The following PRDM1 variants were observed in gnomAD, a reference collection of about 807,000 sequenced individuals.
The protein encoded by PRDM1 is PR/SET domain 1.
PRDM1 carries 13 observed loss-of-function variants against 62.8 expected under a neutral mutation model. The ratio of observed to expected loss-of-function variants is 0.21; its 90% CI spans 0.13 to 0.33. PRDM1 has a LOEUF of 0.33. Ranked by LOEUF, PRDM1 falls within the 10% of genes least tolerant of loss-of-function variation. The pLI, the probability that PRDM1 is intolerant of heterozygous loss-of-function variation, is 1.00. For synonymous variants in PRDM1, 396 were observed against 417.6 expected, an observed-to-expected ratio of 0.95 and a Z score of 0.63; for missense variants, 895 against 1,058.8, an observed-to-expected ratio of 0.85 and a Z score of 2.15.
intron 1 of PRDM1, among the ~76,000 whole-genome samples, chr6:106,006,154 G>A (rs562952007): frequency 6.6e-6 from 1 of 152,292 alleles, no homozygotes; most frequent in South Asian, 2.1e-4. Context: ...GCAGGAACTT[G>A]TTTAGATTGA....
upstream of PRDM1, chr6:106,045,282 G>A (rs973707270): frequency 2.0e-5 from 3 of 151,966 alleles, no homozygotes; most frequent in East Asian, 3.9e-4. Context: ...TTGGGTGTCT[G>A]TAGAATGCAA....
chr6:106,050,357 G>A (rs1419195840), intron 1 of PRDM1, among the ~76,000 whole-genome samples: 16 of 152,138 alleles, frequency 1.1e-4, no homozygotes, highest in Admixed American at 1.0e-3. Flanking sequence ...GGTTCTTCAT[G>A]GAATTCTAAA....
upstream of PRDM1, among the ~76,000 whole-genome samples, chr6:106,086,025 A>C (rs1019971451): frequency 5.9e-5 from 9 of 152,062 alleles, no homozygotes; most frequent in Admixed American, 5.9e-4. Flanking sequence ...GGTAAATTTT[A>C]AGTTTCCTTA....
chr6:106,042,901 A>G (rs1380501972), intron 1 of PRDM1, among the ~76,000 whole-genome samples: 2 of 152,170 alleles, frequency 1.3e-5, no homozygotes, highest in African/African-American at 4.8e-5. Context: ...CCTAGGCTGG[A>G]ATGCAATGGC....
chr6:106,057,534 A>G (rs1466156644), intron 1 of PRDM1, among the ~76,000 whole-genome samples: 1 of 151,852 alleles, frequency 6.6e-6, no homozygotes. Flanking sequence ...TTGTTGGGGT[A>G]TTTTTTTTCC....
At chr6:106,008,387 G>T (rs983170890) in intron 1 of PRDM1, among the ~76,000 whole-genome samples, 25 of 152,180 alleles carry the variant, frequency 1.6e-4, no homozygotes, top group African/African-American at 5.3e-4. Context: ...AAAAGAAATG[G>T]TTCCAGTGTT....
In PRDM1 at chr6:106,095,599, G is replaced by GT; in HGVS notation, c.292-10dup. 4 of 1,609,476 alleles carry GT rather than the reference G, an allele frequency of 2.5e-6. No individual in the cohort carries two copies. Among genetic ancestry groups the GT allele is most frequent in the Non-Finnish European group, 3.4e-6 (4 of 1,178,330 alleles). The stretch of plus-strand genomic sequence containing the variant: ...TATAGTCAAAGTAATTGTTTCCTGT[G>GT]TTTTTTCCTGTTTAGGTTATTGGAG... On this transcript the variant is annotated splice_polypyrimidine_tract_variant and intron_variant, in intron 2 of 6. Coordinates refer to ENST00000369096, the MANE Select transcript of PRDM1 (RefSeq NM_001198.4).
intron 1 of PRDM1, among the ~76,000 whole-genome samples, chr6:105,997,829 G>A (rs987446092): frequency 1.3e-5 from 2 of 152,210 alleles, no homozygotes; most frequent in Non-Finnish European, 2.9e-5. Flanking sequence ...TTGGATGAGA[G>A]CTTCTAGATT....
Position 106,033,132 on chromosome 6 carries a change from AC to A in PRDM1, c.-67+39495del, listed in dbSNP as rs532486209. 6.1e-3 allele frequency among the ~76,000 whole-genome samples: 926 copies of A among 151,938 alleles called. 12 individuals carry two copies. The highest frequency in any genetic ancestry group is 0.021 in the African/African-American group (863 of 41,456). ...TACATAACATAAAATTTACCATCTAACCTTTTTTTAAAATCTGTTTTTTAAG... is the reference window on the plus strand; with the variant it reads ...TACATAACATAAAATTTACCATCTAACTTTTTTTAAAATCTGTTTTTTAAG... On this transcript the variant is annotated intron_variant, in intron 1 of 6. Coordinates refer to the PRDM1 transcript ENST00000652320.
At chr6:106,047,778 T>A (rs9486269), upstream of PRDM1, among the ~76,000 whole-genome samples, 135,868 of 152,256 alleles carry the variant, frequency 0.89, 60,693 homozygotes, top group South Asian at 0.94. Flanking sequence ...TTGATAGTTG[T>A]CAGTTTTTAC....
At position 106,025,501 on chromosome 6, in the gene PRDM1, T is replaced by C. The variant is rs564751211; in HGVS notation, c.-67+31862T>C. 6.6e-5 allele frequency among the ~76,000 whole-genome samples: 10 copies of C among 152,328 alleles called. No individual in the cohort carries two copies. In the East Asian group the frequency reaches 1.9e-3, roughly 29 times the overall value. On this transcript the variant is annotated intron_variant, in intron 1 of 6. Transcript: ENST00000652320. Reference sequence around the variant, plus strand: ...TAGTAAAGCAAGTTTAGGATTGTGTTTATTTTTCTGAATTGTTTTCTAGTT... The same window carrying C: ...TAGTAAAGCAAGTTTAGGATTGTGTCTATTTTTCTGAATTGTTTTCTAGTT...
rs138739252 is a variant in PRDM1, at chr6:106,094,981, G to A, written c.292-634G>A. ...TAGAAGACTCGAGAAGAACAAAGTA[G>A]AAGGCCAGAGAAGAACAAAGTTACT... On this transcript the variant is annotated intron_variant, in intron 2 of 6. Coordinates refer to ENST00000369096, the MANE Select transcript of PRDM1 (RefSeq NM_001198.4). 3.3e-3 allele frequency among the ~76,000 whole-genome samples: 495 copies of A among 150,078 alleles called. 5 individuals carry two copies. Among genetic ancestry groups the A allele is most frequent in the African/African-American group, 0.012 (476 of 40,766 alleles).
intron 1 of PRDM1, among the ~76,000 whole-genome samples, chr6:106,032,093 A>G (rs2114568030): frequency 6.6e-6 from 1 of 152,362 alleles, no homozygotes; most frequent in East Asian, 1.9e-4. Flanking sequence ...TTTGTTAAAA[A>G]GAGAAGAAAT....
chr6:106,073,052 C>A (rs1435895482), intron 1 of PRDM1, among the ~76,000 whole-genome samples: 1 of 151,866 alleles, frequency 6.6e-6, no homozygotes, highest in East Asian at 1.9e-4. Flanking sequence ...ATTTGTTTGC[C>A]TGTGTGCATA....
chr6:106,099,370 A>C lies in PRDM1; in HGVS notation c.482A>C (p.Tyr161Ser). 6 of 1,614,130 alleles carry C rather than the reference A, an allele frequency of 3.7e-6. No individual in the cohort carries two copies. The highest frequency in any genetic ancestry group is 5.1e-6 in the Non-Finnish European group (6 of 1,179,994). ...FNEEKSNWMR[Y>S]VNPAHSPREQ... is the part of the protein sequence containing the mutation. Reference sequence around the variant, plus strand: ...GAAGAGAAAAGCAACTGGATGCGCTATGTGAATCCAGCACACTCTCCCCGG... The same window carrying C: ...GAAGAGAAAAGCAACTGGATGCGCTCTGTGAATCCAGCACACTCTCCCCGG... Residue 161 changes from tyrosine (Y) to serine (S), a missense_variant, in exon 4 of 7, where the codon TAT (tyrosine) becomes TCT (serine). Physicochemically the swap from Tyr to Ser is moderately radical, Grantham distance 144. Coordinates refer to ENST00000369096, the MANE Select transcript of PRDM1 (RefSeq NM_001198.4).
intron 1 of PRDM1, among the ~76,000 whole-genome samples, chr6:106,006,104 C>T (rs954304939): frequency 6.6e-6 from 1 of 152,170 alleles, no homozygotes; most frequent in South Asian, 2.1e-4. Flanking sequence ...CGAAGGTGTC[C>T]GATTCCTCTG....
chr6:106,039,390 A>G (rs1031404182), intron 1 of PRDM1, among the ~76,000 whole-genome samples: 2 of 152,228 alleles, frequency 1.3e-5, no homozygotes, highest in Non-Finnish European at 2.9e-5. Context: ...GTTTATTTTC[A>G]TCTAAGAGAA....
In PRDM1 at chr6:106,106,345, A is replaced by G; in HGVS notation, c.1774-26A>G. ...GGTCTCAGAGCCAGCTTGAGAGCAG[A>G]GCTAACACATGTGGCTTCTTCCCAG... is the stretch of plus-strand genomic sequence containing the variant. On this transcript the variant is annotated intron_variant, in intron 5 of 6. Coordinates refer to ENST00000369096, the MANE Select transcript of PRDM1 (RefSeq NM_001198.4). This position sits in a 1 kb window ranked among gnomAD's most constrained non-coding sequence, Gnocchi z 4.4. 1 of 1,613,702 alleles carries G rather than the reference A, an allele frequency of 6.2e-7. No homozygotes were observed. The highest frequency in any genetic ancestry group is 8.5e-7 in the Non-Finnish European group (1 of 1,179,772).
chr6:106,101,374 A>C (rs1774266941), intron 4 of PRDM1, among the ~76,000 whole-genome samples: 1 of 152,130 alleles, frequency 6.6e-6, no homozygotes, highest in Non-Finnish European at 1.5e-5. Flanking sequence ...TCCTCAAAGA[A>C]AGGTTTTGCA....
Sources: gnomAD v4.1 joint callset for allele counts (sites outside exome capture counted in the v4.1 genomes callset) on GRCh38, gnomAD v4.1.1 for gene constraint, Gnocchi (gnomAD v3.1) non-coding constraint, MANE v1.5 for transcripts, NCBI Gene and HGNC (gene_info 2026-07-23, HGNC 2026-07-21) for gene names.